Variants in COL23A1 observed in about 807,000 individuals in gnomAD.
COL23A1 encodes collagen type XXIII alpha 1 chain.
COL23A1 carries 97 observed loss-of-function variants against 99.3 expected under a neutral mutation model. The ratio of observed to expected loss-of-function variants is 0.98; its 90% CI spans 0.83 to 1.16. The LOEUF is 1.16. COL23A1 is among the 50% of genes most tolerant of loss of function. COL23A1 has a pLI of 0.00. For synonymous variants in COL23A1, 320 were observed against 308.2 expected (o/e 1.04, Z -0.40); for missense variants, 762 against 757.4 (o/e 1.01, Z -0.07).
At chr5:178,513,260 C>T (rs1031916263) in intron 2 of COL23A1, among the ~76,000 whole-genome samples, 2 of 152,174 alleles carry the variant, frequency 1.3e-5, no homozygotes, top group Admixed American at 6.5e-5. Flanking sequence ...TGCACTGTGC[C>T]GAGTGCTGCC....
At chr5:178,575,287 AAAT>A (rs56725118) in intron 1 of COL23A1, among the ~76,000 whole-genome samples, 2,555 of 152,254 alleles carry the variant, frequency 0.017, 80 homozygotes, top group African/African-American at 0.059. Flanking sequence ...CTTAACCTCA[AAAT>A]AATACAACCC....
chr5:178,434,891 C>T lies in COL23A1; in HGVS notation c.361+125791G>A, dbSNP rs901407556. Among the ~76,000 whole-genome samples, 1 of 152,340 alleles carries T rather than the reference C, an allele frequency of 6.6e-6. No homozygotes were observed. The highest frequency in any genetic ancestry group is 2.4e-5 in the African/African-American group (1 of 41,582). ...GAAGGCAGGCATCCACTTCTGAACCCTCGGTCTCAGCCCTTGCAGGGCAGC... is the reference window on the plus strand; with the variant it reads ...GAAGGCAGGCATCCACTTCTGAACCTTCGGTCTCAGCCCTTGCAGGGCAGC... On this transcript the variant is annotated intron_variant, in intron 2 of 28. Coordinates refer to ENST00000390654, the MANE Select transcript of COL23A1 (RefSeq NM_173465.4). The surrounding 1 kb of genome is among the most constrained non-coding windows in gnomAD (Gnocchi z 4.3).
At chr5:178,287,949 G>A (rs1561828416) in intron 5 of COL23A1, among the ~76,000 whole-genome samples, 1 of 152,258 alleles carries the variant, frequency 6.6e-6, no homozygotes, top group East Asian at 1.9e-4. Flanking sequence ...GTTATCGAGT[G>A]ATGACGAGGA....
intron 27 of COL23A1, among the ~76,000 whole-genome samples, chr5:178,241,082 T>G (rs1375632909): frequency 6.6e-6 from 1 of 152,068 alleles, no homozygotes; most frequent in African/African-American, 2.4e-5. Flanking sequence ...AATTAAAAAT[T>G]AGCTGGGCAT....
rs1313565304 is a variant in COL23A1, at chr5:178,306,489, C to G, written c.406+386G>C. On this transcript the variant is annotated intron_variant, in intron 3 of 28. Coordinates refer to ENST00000390654, the MANE Select transcript of COL23A1 (RefSeq NM_173465.4). The surrounding 1 kb of genome is among the most constrained non-coding windows in gnomAD (Gnocchi z 4.1). The stretch of plus-strand genomic sequence containing the variant: ...TCTGCCAAGGAAGGACAGGCCACGT[C>G]TGGGGAGGGATGAAACCCACAGGAG... Among the ~76,000 whole-genome samples, 14 of 151,722 alleles carry G rather than the reference C, an allele frequency of 9.2e-5. No individual in the cohort carries two copies. Among genetic ancestry groups the G allele is most frequent in the African/African-American group, 3.4e-4 (14 of 41,268 alleles).
At chr5:178,249,716 A>ACACACACACACACTCTCT in intron 18 of COL23A1, among the ~76,000 whole-genome samples, 10 of 92,808 alleles carry the variant, frequency 1.1e-4, no homozygotes, top group African/African-American at 4.3e-4. Flanking sequence ...ACACACACAC[A>ACACACACACACACTCTCT]CTCTCTCTCT....
intron 2 of COL23A1, among the ~76,000 whole-genome samples, chr5:178,488,273 C>A (rs1375744752): frequency 1.3e-5 from 2 of 152,144 alleles, no homozygotes; most frequent in African/African-American, 4.8e-5. Context: ...GAAAAGCCTG[C>A]TAGAGATTTG....
Position 178,434,291 on chromosome 5 carries a change from T to C in COL23A1, c.361+126391A>G, listed in dbSNP as rs1362041008. Among the ~76,000 whole-genome samples, 1 of 152,194 alleles carries C rather than the reference T, an allele frequency of 6.6e-6. No individual in the cohort carries two copies. Among genetic ancestry groups the C allele is most frequent in the Non-Finnish European group, 1.5e-5 (1 of 68,034 alleles). On this transcript the variant is annotated intron_variant, in intron 2 of 28. Coordinates refer to ENST00000390654, the MANE Select transcript of COL23A1 (RefSeq NM_173465.4). This position sits in a 1 kb window ranked among gnomAD's most constrained non-coding sequence, Gnocchi z 4.3. ...TTTTCTGCTGGCCTCTGCAGCCTTC[T>C]TGGGTACCTCCTCCTCACGTACTCA...
intron 2 of COL23A1, among the ~76,000 whole-genome samples, chr5:178,518,106 G>A (rs1227133960): frequency 7.6e-6 from 1 of 131,894 alleles, no homozygotes; most frequent in Non-Finnish European, 1.6e-5. Flanking sequence ...CTCTTAAGGA[G>A]CATGCTGCCT....
At chr5:178,254,915 C>T (rs781044151) in intron 16 of COL23A1, 34 bp downstream of exon 16, 4 of 1,577,382 alleles carry the variant, frequency 2.5e-6, no homozygotes, top group Non-Finnish European at 2.6e-6. Flanking sequence ...AAAATCGTAT[C>T]TAAGGCACAT....
chr5:178,399,598 G>A (rs1764328476), intron 2 of COL23A1, among the ~76,000 whole-genome samples: 1 of 152,200 alleles, frequency 6.6e-6, no homozygotes, highest in Admixed American at 6.5e-5. Context: ...CTCACCAAAA[G>A]CTCTGCAAAC....
At chr5:178,578,045 G>T in intron 1 of COL23A1, among the ~76,000 whole-genome samples, 1 of 152,038 alleles carries the variant, frequency 6.6e-6, no homozygotes, top group East Asian at 1.9e-4. Flanking sequence ...GCACACACGT[G>T]CATGCACACA....
chr5:178,577,478 T>C (rs1366919376), intron 1 of COL23A1, among the ~76,000 whole-genome samples: 1 of 152,196 alleles, frequency 6.6e-6, no homozygotes, highest in Admixed American at 6.5e-5. Context: ...GGCGTGGTGC[T>C]GTAGGGGGAA....
chr5:178,337,115 A>G, intron 2 of COL23A1, among the ~76,000 whole-genome samples: 1 of 152,234 alleles, frequency 6.6e-6, no homozygotes, highest in Non-Finnish European at 1.5e-5. Context: ...ACATCAGGGA[A>G]TGTGCAGCAT....
chr5:178,502,423 G>A (rs576422769), intron 2 of COL23A1, among the ~76,000 whole-genome samples: 3 of 152,278 alleles, frequency 2.0e-5, no homozygotes, highest in East Asian at 1.9e-4. Context: ...GAGCCACTGC[G>A]CCCAGCCAAC....
At chr5:178,583,660 T>A (rs73346583) in intron 1 of COL23A1, among the ~76,000 whole-genome samples, 1 of 152,242 alleles carries the variant, frequency 6.6e-6, no homozygotes, top group African/African-American at 2.4e-5. Flanking sequence ...GCTGGGACTG[T>A]TGGAAAACAG....
Position 178,543,575 on chromosome 5 carries a change from T to C in COL23A1, c.361+17107A>G, listed in dbSNP as rs371556852. Among the ~76,000 whole-genome samples, 35 of 152,212 alleles carry C rather than the reference T, an allele frequency of 2.3e-4. No homozygotes were observed. The South Asian group carries it at 6.0e-3, about 26-fold the overall frequency. ...AATGCCTGGAGTGAGCCCCGGGGGA[T>C]TGTGACCCTTCCACAGGCGGCTGCA... On this transcript the variant is annotated intron_variant, in intron 2 of 28. Transcript: ENST00000390654.
At position 178,408,586 on chromosome 5, in the gene COL23A1, A is replaced by G. The variant is rs557494795; in HGVS notation, c.362-101667T>C. On this transcript the variant is annotated intron_variant, in intron 2 of 28. Coordinates refer to ENST00000390654, the MANE Select transcript of COL23A1 (RefSeq NM_173465.4). Reference sequence around the variant, plus strand: ...TGGGAGGAAAGGTTTCTACACTTCAATTAAACTGGTATAGTCACCCTGAAA... The same window carrying G: ...TGGGAGGAAAGGTTTCTACACTTCAGTTAAACTGGTATAGTCACCCTGAAA... Among the ~76,000 whole-genome samples, 4 of 152,282 alleles carry G rather than the reference A, an allele frequency of 2.6e-5. No homozygotes were observed. The East Asian group carries it at 5.8e-4, about 22-fold the overall frequency.
intron 2 of COL23A1, among the ~76,000 whole-genome samples, chr5:178,543,508 C>T (rs780805354): frequency 1.2e-4 from 19 of 152,066 alleles, no homozygotes; most frequent in Non-Finnish European, 2.2e-4. Flanking sequence ...AAGAAAAAGG[C>T]GTGTTCAGTT....
Sources: gnomAD v4.1 joint callset for allele counts (sites outside exome capture counted in the v4.1 genomes callset) on GRCh38, gnomAD v4.1.1 for gene constraint, Gnocchi (gnomAD v3.1) non-coding constraint, MANE v1.5 for transcripts, NCBI Gene and HGNC (gene_info 2026-07-23, HGNC 2026-07-21) for gene names.